The following TERT variants were observed in gnomAD, a reference collection of about 807,000 sequenced individuals.
TERT encodes telomerase catalytic subunit.
TERT carries 42 observed loss-of-function variants against 104.0 expected under a neutral mutation model. The observed-to-expected ratio is 0.40, with a 90% confidence interval of 0.32 to 0.52. The LOEUF (loss-of-function observed/expected upper bound fraction) is 0.52, where lower values mean the gene tolerates loss of function less well. Among genes scored for constraint, TERT ranks in the 20% least tolerant of loss-of-function variants. TERT has a pLI of 0.43. For synonymous variants in TERT, 781 were observed against 725.6 expected (o/e 1.08, Z -1.23); for missense variants, 1,101 against 1,610.3 (o/e 0.68, Z 5.41).
rs1060503006 is a variant in TERT, at chr5:1,294,831, C to G, written c.159G>C (p.Gln53His). The part of the protein sequence containing the change: ...DPAAFRALVA[Q>H]CLVCVPWDAR... ...CGTCCCAGGGCACGCACACCAGGCACTGGGCCACCAGCGCGCGGAAAGCCG... is the reference window on the plus strand; with the variant it reads ...CGTCCCAGGGCACGCACACCAGGCAGTGGGCCACCAGCGCGCGGAAAGCCG... The change falls in exon 1 of 16, where the codon CAG becomes CAC. Residue 53 changes from glutamine (Q) to histidine (H), a missense_variant. Transcript: ENST00000310581. 2.0e-5 allele frequency: 29 copies of G among 1,480,678 alleles called. 1 individual carries two copies. The Admixed American group carries it at 6.8e-4, about 35-fold the overall frequency. 91.7% of individuals were successfully genotyped at this position (1,480,678 alleles called of 1,614,324 possible).
chr5:1,280,184 C>G lies in TERT; in HGVS notation c.1924G>C (p.Ala642Pro). 1.9e-6 allele frequency: 3 copies of G among 1,614,100 alleles called. No individual in the cohort carries two copies. The highest frequency in any genetic ancestry group is 2.5e-6 in the Non-Finnish European group (3 of 1,180,038). ...CTCTTTTCTCTGCGGAACGTTCTGGCTCCCACGACGTAGTCCATGTTCACA... is the reference window on the plus strand; with the variant it reads ...CTCTTTTCTCTGCGGAACGTTCTGGGTCCCACGACGTAGTCCATGTTCACA... ...PIVNMDYVVG[A>P]RTFRREKRAE... The change falls in exon 4 of 16, where the codon GCC becomes CCC. Residue 642 changes from alanine (A) to proline (P), a missense_variant. By Grantham distance (27) the Ala-to-Pro change is conservative. This residue lies in a region of TERT where 463 missense variants were observed against 797.5 expected (regional missense o/e 0.58). Transcript: ENST00000310581.
In TERT at chr5:1,287,526, T is replaced by A. The variant is rs966736768; in HGVS notation, c.1574-4902A>T. ...AAAAAAAAATATATATATATATATA[T>A]AAATTAAAGGCAGAAAACAGACACA... On this transcript the variant is annotated intron_variant, in intron 2 of 15. Transcript: ENST00000310581. This position sits in a 1 kb window ranked among gnomAD's most constrained non-coding sequence, Gnocchi z 4.3. Among the ~76,000 whole-genome samples the A allele has an allele frequency of 2.0e-5, 3 of 146,900 alleles. No individual in the cohort carries two copies. The highest frequency in any genetic ancestry group is 7.5e-5 in the African/African-American group (3 of 39,740).
intron 5 of TERT, 55 bp from the exon 6 acceptor site, chr5:1,278,851 AC>A (rs1191927616): frequency 6.2e-7 from 1 of 1,610,598 alleles, no homozygotes; most frequent in African/African-American, 1.3e-5. Context: ...CTCAGACATC[AC>A]CTCTGCCCTC....
intron 2 of TERT, among the ~76,000 whole-genome samples, chr5:1,289,749 C>CT (rs1750752640): frequency 9.8e-6 from 1 of 101,898 alleles, no homozygotes; most frequent in African/African-American, 4.8e-5. Flanking sequence ...CAGGGACACC[C>CT]GGGGACAGTG....
Position 1,262,113 on chromosome 5 carries a change from C to T in TERT, c.2844-1513G>A, listed in dbSNP as rs899842084. ...CCTTCCCCAACACCAAACCAGGGAACGTTCACCTCCCTTCCCTTTGAGTCT... is the reference window on the plus strand; with the variant it reads ...CCTTCCCCAACACCAAACCAGGGAATGTTCACCTCCCTTCCCTTTGAGTCT... On this transcript the variant is annotated intron_variant, in intron 11 of 15. Transcript: ENST00000310581. This position sits in a 1 kb window ranked among gnomAD's most constrained non-coding sequence, Gnocchi z 5.6. Among the ~76,000 whole-genome samples, 2 of 152,184 alleles carry T rather than the reference C, an allele frequency of 1.3e-5. No individual in the cohort carries two copies. Among genetic ancestry groups the T allele is most frequent in the African/African-American group, 2.4e-5 (1 of 41,450 alleles).
intron 2 of TERT, among the ~76,000 whole-genome samples, chr5:1,285,274 A>G (rs1245822728): frequency 6.7e-6 from 1 of 149,920 alleles, no homozygotes; most frequent in East Asian, 2.0e-4. Flanking sequence ...CCATCCGGAC[A>G]CTGCACATCC....
rs1465952615 is a variant in TERT at position 1,288,038 on chromosome 5, T to C, written c.1573+5275A>G. On this transcript the variant is annotated intron_variant, in intron 2 of 15. Coordinates refer to ENST00000310581, the MANE Select transcript of TERT (RefSeq NM_198253.3). This position sits in a 1 kb window ranked among gnomAD's most constrained non-coding sequence, Gnocchi z 5.3. ...TCTACGTATCTTGATACTCTACATA[T>C]CTTGAACATAAACAGTGTTCAAATA... 1.3e-5 allele frequency among the ~76,000 whole-genome samples: 2 copies of C among 152,052 alleles called. No individual in the cohort carries two copies. The highest frequency in any genetic ancestry group is 4.8e-5 in the African/African-American group (2 of 41,376).
rs909959260 is a variant in TERT, at chr5:1,274,104, C to T, written c.2287-1824G>A. ...ACACTAACACGGACACAGGAGGCCTCGAGCTTGTGAGGCATCAAAAGACGC... is the reference window on the plus strand; with the variant it reads ...ACACTAACACGGACACAGGAGGCCTTGAGCTTGTGAGGCATCAAAAGACGC... On this transcript the variant is annotated intron_variant, in intron 6 of 15. Transcript: ENST00000310581. This position sits in a 1 kb window ranked among gnomAD's most constrained non-coding sequence, Gnocchi z 5.3. 6.6e-5 allele frequency among the ~76,000 whole-genome samples: 10 copies of T among 152,212 alleles called. No individual in the cohort carries two copies. Among genetic ancestry groups the T allele is most frequent in the East Asian group, 1.9e-4 (1 of 5,194 alleles).
In TERT at chr5:1,293,836, C is replaced by T. The variant is rs1440641613; in HGVS notation, c.1050G>A (p.Leu350=). The part of the protein sequence containing the change: ...QLRPSFLLSS[L]RPSLTGARRL... ...TCCGAGCGCCAGTCAGGCTGGGCCT[C>T]AGAGAGCTGAGTAGGAAGGAGGGCC... is the stretch of plus-strand genomic sequence containing the variant. The change falls in exon 2 of 16, where the codon CTG becomes CTA. Residue 350 remains leucine, a synonymous_variant. Transcript: ENST00000310581. 1.3e-6 allele frequency: 2 copies of T among 1,548,922 alleles called. No homozygotes were observed. The highest frequency in any genetic ancestry group is 2.0e-5 in the Admixed American group (1 of 50,994).
In TERT at chr5:1,258,639, C is replaced by T. The variant is rs376266401; in HGVS notation, c.2991G>A (p.Val997=). ...LDLQVNSLQT[V]CTNIYKILLL... ...GGAGGATCTTGTAGATGTTGGTGCACACCGTCTGGAGGCTGTTCACCTAGA... is the reference window on the plus strand; with the variant it reads ...GGAGGATCTTGTAGATGTTGGTGCATACCGTCTGGAGGCTGTTCACCTAGA... Residue 997 remains valine (V), a synonymous_variant, in exon 13 of 16, where the codon GTG becomes GTA. Coordinates refer to ENST00000310581, the MANE Select transcript of TERT (RefSeq NM_198253.3). The T allele has an allele frequency of 2.7e-4, 430 of 1,571,496 alleles. No homozygotes were observed. Among genetic ancestry groups the T allele is most frequent in the Admixed American group, 6.5e-4 (35 of 53,790 alleles).
At chr5:1,280,084 AT>A in intron 4 of TERT, 73 bp downstream of exon 4, 1 of 1,587,894 alleles carries the variant, frequency 6.3e-7, no homozygotes, top group Non-Finnish European at 8.6e-7. Flanking sequence ...CGGGCCCTTC[AT>A]CTAAGCTGAT....
At chr5:1,259,690 G>A (rs1748063959) in intron 12 of TERT, among the ~76,000 whole-genome samples, 1 of 135,252 alleles carries the variant, frequency 7.4e-6, no homozygotes, top group Admixed American at 7.4e-5. Context: ...AGTGGACACG[G>A]ACGCCCACAG....
At chr5:1,264,307 C>T (rs903963924) in intron 11 of TERT, 97 bp downstream of exon 11, 20 of 1,349,176 alleles carry the variant, frequency 1.5e-5, no homozygotes, top group Admixed American at 2.0e-5. Context: ...GATTGGCAGT[C>T]GCCTGCCCCA....
Position 1,286,703 on chromosome 5 carries a change from G to GC in TERT, c.1574-4080dup, listed in dbSNP as rs1448754916. Among the ~76,000 whole-genome samples the GC allele has an allele frequency of 6.6e-6, 1 of 151,964 alleles. No individual in the cohort carries two copies. The highest frequency in any genetic ancestry group is 1.5e-5 in the Non-Finnish European group (1 of 67,962). On this transcript the variant is annotated intron_variant, in intron 2 of 15. Coordinates refer to ENST00000310581, the MANE Select transcript of TERT (RefSeq NM_198253.3). The surrounding 1 kb of genome is among the most constrained non-coding windows in gnomAD (Gnocchi z 5.3). The stretch of plus-strand genomic sequence containing the variant: ...GACCAGCCTGGCCAACATGGTGAAA[G>GC]CCTATCTCTACTAAAAATACAAAAA...
intron 5 of TERT, among the ~76,000 whole-genome samples, chr5:1,279,023 G>A (rs566246725): frequency 5.9e-5 from 9 of 152,348 alleles, no homozygotes; most frequent in South Asian, 2.1e-4. Flanking sequence ...GAGCCGTTGC[G>A]GTTCCTTCTC....
intron 2 of TERT, chr5:1,282,928 C>A (rs1421392223): frequency 2.1e-6 from 1 of 481,030 alleles, no homozygotes; most frequent in Non-Finnish European, 3.8e-6. Context: ...GCGAACTCAC[C>A]CCGGACCTGC....
chr5:1,259,027 G>C (rs538165032), intron 12 of TERT, among the ~76,000 whole-genome samples: 1 of 149,138 alleles, frequency 6.7e-6, no homozygotes, highest in East Asian at 2.0e-4. Flanking sequence ...CCACAGGAGA[G>C]GGGGAGTGGA....
At chr5:1,267,910 C>A (rs1748731105) in intron 9 of TERT, among the ~76,000 whole-genome samples, 3 of 151,930 alleles carry the variant, frequency 2.0e-5, no homozygotes, top group Admixed American at 2.0e-4. Flanking sequence ...GTGCAGCACA[C>A]CAACATGGCA....
chr5:1,272,488 C>T (rs1476533952), intron 6 of TERT, among the ~76,000 whole-genome samples: 1 of 151,880 alleles, frequency 6.6e-6, no homozygotes, highest in East Asian at 1.9e-4. Flanking sequence ...TGGGACTCCA[C>T]CTGCAGCTAC....
Sources: gnomAD v4.1 joint callset for allele counts (sites outside exome capture counted in the v4.1 genomes callset) on GRCh38, gnomAD v4.1.1 for gene constraint, gnomAD v4.1.1 regional missense constraint, Gnocchi (gnomAD v3.1) non-coding constraint, MANE v1.5 for transcripts, NCBI Gene and HGNC (gene_info 2026-07-23, HGNC 2026-07-21) for gene names.